The following CTAG2 variants were observed in gnomAD, a reference collection of about 807,000 sequenced individuals.
CTAG2 encodes the protein cancer/testis antigen 2.
A neutral mutation model predicts 5.7 loss-of-function variants in CTAG2; 5 were observed. The observed-to-expected ratio is 0.88, with a 90% CI of 0.46 to 1.85. CTAG2 has a LOEUF of 1.85. CTAG2 is among the 40% of genes most tolerant of loss of function. The probability of loss-of-function intolerance (pLI) is 0.01; values close to 1 mark genes in which losing one functional copy is unlikely to be tolerated. For missense variants in CTAG2, 151 were observed against 169.9 expected, an observed-to-expected ratio of 0.89 and a Z score of 0.62; for synonymous variants, 63 against 80.9, an observed-to-expected ratio of 0.78 and a Z score of 1.19.
rs1442089065 is a variant in CTAG2, at chrX:154,652,248, G to A, written c.424C>T (p.His142Tyr). ...CTGATGGAGAGCTGCAGTTGGCGGT[G>A]GTCTGCAGCAGTCAGTCGGCTAAAT... ...LLFIRLTAAD[H>Y]RQLQLSISSC... is the part of the protein sequence containing the mutation. Residue 142 changes from histidine to tyrosine, a missense_variant, in exon 3 of 3, where the codon CAC becomes TAC. Coordinates refer to ENST00000369585, the MANE Select transcript of CTAG2 (RefSeq NM_172377.5). 7 of 1,210,641 alleles carry A rather than the reference G, an allele frequency of 5.8e-6. No homozygotes were observed. Among genetic ancestry groups the A allele is most frequent in the African/African-American group, 1.7e-5 (1 of 57,744 alleles).
Position 154,653,378 on chromosome X carries a change from C to G in CTAG2, c.138G>C (p.Arg46=), listed in dbSNP as rs1334606210. ...CCGAGGCCCTTGCTGCCCCTGCGCC[C>G]CGGGGACCTCTGCCGCCCGTGGCAC... ...EAGATGGRGP[R]GAGAARASGP... Residue 46 remains arginine, a synonymous_variant, in exon 1 of 3, where the codon CGG becomes CGC. Coordinates refer to ENST00000369585, the MANE Select transcript of CTAG2 (RefSeq NM_172377.5). 8.5e-7 allele frequency: 1 copy of G among 1,172,141 alleles called. No homozygotes were observed. Among genetic ancestry groups the G allele is most frequent in the African/African-American group, 1.8e-5 (1 of 54,693 alleles).
Position 154,653,334 on chromosome X carries a change from G to A in CTAG2, c.182C>T (p.Pro61Leu), listed in dbSNP as rs782709417. The change falls in exon 1 of 3, where the codon CCG (proline) becomes CTG (leucine). Residue 61 changes from proline to leucine, a missense_variant. Coordinates refer to ENST00000369585, the MANE Select transcript of CTAG2 (RefSeq NM_172377.5). ...ARASGPRGGA[P>L]RGPHGGAASA... ...AGCGGCACCGCCATGCGGACCCCGC[G>A]GGGCGCCTCCTCTCGGCCCCGAGGC... is the stretch of plus-strand genomic sequence containing the variant. 1.5e-4 allele frequency: 182 copies of A among 1,203,179 alleles called. No homozygotes were observed. Among genetic ancestry groups the A allele is most frequent in the Non-Finnish European group, 1.9e-4 (171 of 892,260 alleles).
Position 154,653,338 on chromosome X carries a change from C to A in CTAG2, c.178G>T (p.Ala60Ser). The change falls in exon 1 of 3, where the codon GCC becomes TCC. Residue 60 changes from alanine (A) to serine (S), a missense_variant. This residue lies in a region of CTAG2 where 147 missense variants were observed against 151.0 expected (regional missense o/e 0.97). Coordinates refer to ENST00000369585, the MANE Select transcript of CTAG2 (RefSeq NM_172377.5). Reference protein sequence around the residue: ...AARASGPRGGAPRGPHGGAAS... With the variant: ...AARASGPRGGSPRGPHGGAAS... ...GCACCGCCATGCGGACCCCGCGGGG[C>A]GCCTCCTCTCGGCCCCGAGGCCCTT... is the stretch of plus-strand genomic sequence containing the variant. 8.3e-7 allele frequency: 1 copy of A among 1,205,051 alleles called. No individual in the cohort carries two copies. The highest frequency in any genetic ancestry group is 1.1e-6 in the Non-Finnish European group (1 of 892,335).
Position 154,652,570 on chromosome X carries a change from G to A in CTAG2, c.331C>T (p.Arg111Trp). 1 of 1,209,935 alleles carries A rather than the reference G, an allele frequency of 8.3e-7. No homozygotes were observed. The highest frequency in any genetic ancestry group is 1.1e-6 in the Non-Finnish European group (1 of 894,493). The change falls in exon 2 of 3, where the codon CGG becomes TGG. Residue 111 changes from arginine (R) to tryptophan (W), a missense_variant. Transcript: ENST00000369585. The part of the protein sequence containing the change: ...EAELVRRILS[R>W]DAAPLPRPGA... ...GGTCGGGGGAGCGGTGCGGCATCCC[G>A]GGACAGGATCCTGCGGACCAGCTCC...
chrX:154,653,481 G>A lies in CTAG2; in HGVS notation c.35C>T (p.Thr12Met), dbSNP rs782711002. The part of the protein sequence containing the change: ...QAEGRGTGGS[T>M]GDADGPGGPG... ...GCCTCCTGGGCCATCAGCATCGCCC[G>A]TCGAACCCCCTGTGCCCCGGCCTTC... The change falls in exon 1 of 3, where the codon ACG (threonine) becomes ATG (methionine). Residue 12 changes from threonine (T) to methionine (M), a missense_variant. Thr to Met is a moderately conservative substitution (Grantham distance 81). Around this residue, in one of 2 missense-constraint regions of CTAG2, gnomAD observed 4 missense variants for 18.9 expected, o/e 0.21. Transcript: ENST00000369585. 1.5e-5 allele frequency: 17 copies of A among 1,100,732 alleles called. No individual in the cohort carries two copies. The highest frequency in any genetic ancestry group is 4.2e-5 in the South Asian group (2 of 47,599). The allele number at this position is 1,100,732 out of a possible 1,213,427, so 90.7% of individuals were successfully genotyped here. A position where few individuals can be genotyped will look rare whatever the true frequency, so the allele number is the denominator to read the frequency against.
At chrX:154,653,115 C>G in intron 1 of CTAG2, 132 bp downstream of exon 1, 1 of 434,437 alleles carries the variant, frequency 2.3e-6, no homozygotes, top group Non-Finnish European at 3.3e-6. Context: ...ATCTCCCAAA[C>G]CCCACCTTCC....
At chrX:154,652,818 A>G (rs1396080629) in intron 1 of CTAG2, among the ~76,000 whole-genome samples, 187 bp from the exon 2 acceptor site, 2 of 99,720 alleles carry the variant, frequency 2.0e-5, no homozygotes, top group Non-Finnish European at 4.1e-5. Flanking sequence ...CCTCCCCACC[A>G]TGCCCCCTGC....
chrX:154,652,331 T>C (rs1557241363), intron 2 of CTAG2, 64 bp from the exon 3 acceptor site: 1 of 1,211,057 alleles, frequency 8.3e-7, no homozygotes, highest in Admixed American at 2.2e-5. Flanking sequence ...CTCCCTGGGC[T>C]CCCTCGGGTG....
Position 154,652,510 on chromosome X carries a change from T to G in CTAG2, c.391A>C (p.Asn131His). 8.3e-7 allele frequency: 1 copy of G among 1,210,876 alleles called. No homozygotes were observed. The highest frequency in any genetic ancestry group is 1.8e-5 in the South Asian group (1 of 56,933). Reference protein sequence around the residue: ...AVLKDFTVSGNLLFIRLTAAD... With the variant: ...AVLKDFTVSGHLLFIRLTAAD... ...TCCCGAACTGACATAAACAGTAGGT[T>G]GCCGGACACGGTGAAGTCCTTCAGA... The change falls in exon 2 of 3, where the codon AAC becomes CAC. Residue 131 changes from asparagine (N) to histidine (H), a missense_variant. Coordinates refer to ENST00000369585, the MANE Select transcript of CTAG2 (RefSeq NM_172377.5).
intron 1 of CTAG2, 130 bp from the exon 2 acceptor site, chrX:154,652,761 T>A (rs782805111): frequency 1.3e-6 from 1 of 775,747 alleles, no homozygotes; most frequent in Non-Finnish European, 1.8e-6. Flanking sequence ...GATTCCCCAC[T>A]TTCCTCTGTT....
Position 154,653,286 on chromosome X carries a change from G to A in CTAG2, c.230C>T (p.Pro77Leu), listed in dbSNP as rs1557241752. 2.5e-6 allele frequency: 3 copies of A among 1,209,179 alleles called. No homozygotes were observed. The highest frequency in any genetic ancestry group is 2.2e-6 in the Non-Finnish European group (2 of 894,455). The part of the protein sequence containing the change: ...GAASAQDGRC[P>L]CGARRPDSRL... ...GCTGTCCGGCCTCCTGGCCCCGCAG[G>A]GGCACCTTCCATCCTGCGCAGAAGC... The change falls in exon 1 of 3, where the codon CCC becomes CTC. Residue 77 changes from proline to leucine, a missense_variant. By Grantham distance (98) the Pro-to-Leu change is moderately conservative. Around this residue, in one of 2 missense-constraint regions of CTAG2, gnomAD observed 147 missense variants for 151.0 expected, o/e 0.97. Transcript: ENST00000369585.
At chrX:154,653,213 C>A (rs375279620) in intron 1 of CTAG2, 34 bp downstream of exon 1, 8 of 1,188,536 alleles carry the variant, frequency 6.7e-6, no homozygotes, top group Admixed American at 4.7e-5. Flanking sequence ...CACCTCGCCA[C>A]CAGAACCTCC....
In CTAG2 at chrX:154,652,050, C is replaced by T. The variant is rs1401909685; in HGVS notation, c.*79G>A. The T allele has an allele frequency of 1.8e-6, 2 of 1,139,299 alleles. No individual in the cohort carries two copies. Among genetic ancestry groups the T allele is most frequent in the Admixed American group, 5.3e-5 (2 of 37,710 alleles). The allele number at this position is 1,139,299 out of a possible 1,213,427, so 93.9% of individuals were successfully genotyped here. On this transcript the variant is annotated 3_prime_UTR_variant, in exon 3 of 3. Transcript: ENST00000369585. ...CCTCCAGCGACAAACAATCAGGCCC[C>T]CACAATGAACTGGCCACTCGTGCTG...
rs2070154057 is a variant in CTAG2, at chrX:154,652,046, G to GC, written c.*82dup. On this transcript the variant is annotated 3_prime_UTR_variant, in exon 3 of 3. Coordinates refer to ENST00000369585, the MANE Select transcript of CTAG2 (RefSeq NM_172377.5). The stretch of plus-strand genomic sequence containing the variant: ...TCCTCCTCCAGCGACAAACAATCAG[G>GC]CCCCCACAATGAACTGGCCACTCGT... The GC allele has an allele frequency of 8.9e-7, 1 of 1,126,517 alleles. No homozygotes were observed. The highest frequency in any genetic ancestry group is 1.8e-5 in the African/African-American group (1 of 54,993). The allele number at this position is 1,126,517 out of a possible 1,213,427, so 92.8% of individuals were successfully genotyped here.
In CTAG2 at chrX:154,652,627, T is replaced by C; in HGVS notation, c.274A>G (p.Ile92Val). 1 of 1,195,132 alleles carries C rather than the reference T, an allele frequency of 8.4e-7. No homozygotes were observed. The highest frequency in any genetic ancestry group is 1.1e-6 in the Non-Finnish European group (1 of 886,086). The change falls in exon 2 of 3, where the codon ATC becomes GTC. Residue 92 changes from isoleucine (I) to valine (V), a missense_variant. Coordinates refer to ENST00000369585, the MANE Select transcript of CTAG2 (RefSeq NM_172377.5). ...ATGGGCGACGAGAAAGGCATCGTGA[T>C]GTGCCTGGTGGGGACCCAGTTAAGG... ...RPDSRLLELH[I>V]TMPFSSPMEA...
rs1328698575 is a variant in CTAG2, at chrX:154,652,196, A to T, written c.476T>A (p.Leu159Ter). Residue 159 changes from leucine (L) to a stop codon, truncating the protein, a stop_gained, in exon 3 of 3, where the codon TTG becomes TAG. Coordinates refer to ENST00000369585, the MANE Select transcript of CTAG2 (RefSeq NM_172377.5). LOFTEE classifies it low-confidence loss of function (END_TRUNC). ...CAGAAAGCACTGCGTGATCCACATC[A>T]ACAGGGAAAGCTGCTGGAGACAGGA... Reference protein sequence around the residue: ...ISSCLQQLSLLMWITQCFLPV... With the variant: ...ISSCLQQLSL 3 of 1,207,801 alleles carry T rather than the reference A, an allele frequency of 2.5e-6. No individual in the cohort carries two copies. Among genetic ancestry groups the T allele is most frequent in the African/African-American group, 3.5e-5 (2 of 57,090 alleles).
chrX:154,653,325 G>A lies in CTAG2; in HGVS notation c.191C>T (p.Pro64Leu). The change falls in exon 1 of 3, where the codon CCG (proline) becomes CTG (leucine). Residue 64 changes from proline (P) to leucine (L), a missense_variant. By Grantham distance (98) the Pro-to-Leu change is moderately conservative. Around this residue, in one of 2 missense-constraint regions of CTAG2, gnomAD observed 147 missense variants for 151.0 expected, o/e 0.97. Transcript: ENST00000369585. ...CTGCGCAGAAGCGGCACCGCCATGC[G>A]GACCCCGCGGGGCGCCTCCTCTCGG... ...SGPRGGAPRG[P>L]HGGAASAQDG... is the part of the protein sequence containing the mutation. 3 of 1,206,630 alleles carry A rather than the reference G, an allele frequency of 2.5e-6. No homozygotes were observed. The highest frequency in any genetic ancestry group is 3.5e-5 in the African/African-American group (2 of 57,441).
chrX:154,652,468 C>A (rs782087117), intron 2 of CTAG2, 29 bp downstream of exon 2: 1 of 1,211,270 alleles, frequency 8.3e-7, no homozygotes, highest in Non-Finnish European at 1.1e-6. Flanking sequence ...ATCCGCCCAG[C>A]GCCTTCCCTG....
chrX:154,653,222 CCT>C, intron 1 of CTAG2, 23 bp downstream of exon 1: 1 of 1,202,283 alleles, frequency 8.3e-7, no homozygotes, highest in Non-Finnish European at 1.1e-6. Context: ...ACCAGAACCT[CCT>C]AGAACAGAAC....
Sources: allele counts gnomAD v4.1 joint callset (sites outside exome capture counted in the v4.1 genomes callset), GRCh38; gene constraint gnomAD v4.1.1; regional missense constraint gnomAD v4.1.1; transcripts MANE v1.5; gene names NCBI Gene and HGNC (gene_info 2026-07-23, HGNC 2026-07-21).